Variants in PDE1C observed in about 807,000 individuals in gnomAD.
PDE1C encodes the protein phosphodiesterase 1C.
Under a neutral mutation model 93.1 loss-of-function variants are expected in PDE1C, and 62 were observed. The observed-to-expected ratio is 0.67, with a 90% CI of 0.54 to 0.82. The LOEUF (loss-of-function observed/expected upper bound fraction) is 0.82, where lower values mean the gene tolerates loss of function less well. Ranked by LOEUF, PDE1C falls within the 40% of genes least tolerant of loss-of-function variation. PDE1C has a pLI of 0.00. For missense variants in PDE1C, 742 were observed against 884.6 expected, an observed-to-expected ratio of 0.84 and a Z score of 2.04; for synonymous variants, 325 against 310.1, an observed-to-expected ratio of 1.05 and a Z score of -0.50.
chr7:31,930,008 A>G (rs1368657871), intron 2 of PDE1C, among the ~76,000 whole-genome samples: 2 of 152,200 alleles, frequency 1.3e-5, no homozygotes, highest in African/African-American at 4.8e-5. Flanking sequence ...GATTAACAAA[A>G]TAGACCACTA....
At chr7:32,047,204 T>C (rs1479775894) in intron 2 of PDE1C, among the ~76,000 whole-genome samples, 4 of 152,088 alleles carry the variant, frequency 2.6e-5, no homozygotes, top group African/African-American at 9.7e-5. Flanking sequence ...CTCAAAGGTA[T>C]AAACTTCTGC....
chr7:31,775,821 T>C (rs905700495), intron 16 of PDE1C, 89 bp from the exon 17 acceptor site: 9 of 1,128,650 alleles, frequency 8.0e-6, no homozygotes, highest in Non-Finnish European at 1.2e-5. Context: ...GTTATCAAGT[T>C]GGGGTCTGAA....
intron 15 of PDE1C, 25 bp from the exon 16 acceptor site, chr7:31,809,133 A>G: frequency 7.6e-7 from 1 of 1,307,676 alleles, no homozygotes; most frequent in Non-Finnish European, 1.1e-6. Flanking sequence ...CATGACAAAC[A>G]GTATATGTAT....
At position 32,186,135 on chromosome 7, in the gene PDE1C, G is replaced by T. The variant is rs1279317435; in HGVS notation, c.137-16179C>A. 5.9e-5 allele frequency among the ~76,000 whole-genome samples: 8 copies of T among 136,540 alleles called. No individual in the cohort carries two copies. The Admixed American group carries it at 6.7e-4, about 11-fold the overall frequency. 89.6% of individuals were successfully genotyped at this position (136,540 alleles called of 152,430 possible). On this transcript the variant is annotated intron_variant, in intron 2 of 18. Transcript: ENST00000396193. ...TTTTGAGACGGAGTCTCGCTCTGTC[G>T]CCCAGGCCCGACTGCGGACTGCAGT...
At chr7:32,394,012 A>G (rs968359148) in intron 1 of PDE1C, among the ~76,000 whole-genome samples, 1 of 152,220 alleles carries the variant, frequency 6.6e-6, no homozygotes, top group African/African-American at 2.4e-5. Context: ...AAGAAAAAAT[A>G]CAGGTTACTA....
the PDE1C span, among the ~76,000 whole-genome samples, chr7:31,684,089 A>T: frequency 1.9e-3 from 283 of 152,308 alleles, 2 homozygotes; most frequent in Middle Eastern, 0.01. Flanking sequence ...ATAGATTTAC[A>T]TTACCATCTG....
the PDE1C span, among the ~76,000 whole-genome samples, chr7:31,688,356 T>C: frequency 1.3e-5 from 2 of 152,182 alleles, no homozygotes; most frequent in African/African-American, 4.8e-5. Flanking sequence ...AATCTTAAAG[T>C]TGAGAGGAAT....
intron 3 of PDE1C, among the ~76,000 whole-genome samples, chr7:32,119,309 G>C (rs1233403534): frequency 1.3e-5 from 2 of 152,142 alleles, no homozygotes; most frequent in Admixed American, 1.3e-4. Flanking sequence ...TTACGCCAAG[G>C]TCTTAACTAC....
At chr7:31,925,056 T>C (rs1803179890) in intron 2 of PDE1C, among the ~76,000 whole-genome samples, 2 of 114,640 alleles carry the variant, frequency 1.7e-5, no homozygotes, top group Admixed American at 8.4e-5. Flanking sequence ...TGTGTGTGTG[T>C]GTGTGTGTGT....
At chr7:32,403,377 T>C (rs1418072461) in intron 1 of PDE1C, among the ~76,000 whole-genome samples, 1 of 152,212 alleles carries the variant, frequency 6.6e-6, no homozygotes, top group Admixed American at 6.5e-5. Context: ...TTTGTCCTTT[T>C]CTGAGTCCTA....
At chr7:31,782,116 T>C (rs1473577211) in intron 16 of PDE1C, among the ~76,000 whole-genome samples, 3 of 152,208 alleles carry the variant, frequency 2.0e-5, no homozygotes, top group Admixed American at 6.5e-5. Context: ...AGCGTATAAG[T>C]TAATTGCCCA....
chr7:32,424,736 T>C (rs1254917328), intron 1 of PDE1C, among the ~76,000 whole-genome samples: 1 of 152,104 alleles, frequency 6.6e-6, no homozygotes, highest in African/African-American at 2.4e-5. Flanking sequence ...CGCTTGAGCC[T>C]GGGAGGTAGA....
intron 1 of PDE1C, among the ~76,000 whole-genome samples, chr7:32,257,109 C>G (rs566388627): frequency 1.4e-4 from 22 of 152,138 alleles, no homozygotes; most frequent in Non-Finnish European, 2.5e-4. Context: ...CACAGATAAG[C>G]CTCTCAACCA....
intron 1 of PDE1C, among the ~76,000 whole-genome samples, chr7:32,240,765 G>C (rs1393837693): frequency 1.3e-5 from 2 of 152,186 alleles, no homozygotes; most frequent in Admixed American, 6.5e-5. Context: ...TGTTTTTAAA[G>C]GGTCATTCTG....
intron 8 of PDE1C, among the ~76,000 whole-genome samples, chr7:31,849,729 C>G (rs1468340528): frequency 6.6e-6 from 1 of 152,108 alleles, no homozygotes; most frequent in Admixed American, 6.6e-5. Flanking sequence ...TGACTTACCA[C>G]CTTTCCCCAT....
chr7:32,292,866 A>G (rs1383877882), intron 1 of PDE1C, among the ~76,000 whole-genome samples: 2 of 152,184 alleles, frequency 1.3e-5, no homozygotes, highest in Non-Finnish European at 2.9e-5. Context: ...GTGGAGGCTG[A>G]GTGGACACGC....
At chr7:31,652,135 A>G in the PDE1C span, 1 of 1,034,660 alleles carries the variant, frequency 9.7e-7, no homozygotes, top group South Asian at 1.4e-5. Context: ...TTGTGCAATC[A>G]TTTCAGAATC....
chr7:31,683,055 T>A, the PDE1C span, among the ~76,000 whole-genome samples: 1 of 152,204 alleles, frequency 6.6e-6, no homozygotes, highest in African/African-American at 2.4e-5. Context: ...TGGAAATGTT[T>A]AGTATCTTGA....
intron 2 of PDE1C, among the ~76,000 whole-genome samples, chr7:31,934,865 C>CA (rs1253816914): frequency 6.6e-6 from 1 of 151,970 alleles, no homozygotes; most frequent in East Asian, 1.9e-4. Context: ...TATAGTTCTA[C>CA]AAAAAAATAA....
Sources: gnomAD v4.1 joint callset for allele counts (sites outside exome capture counted in the v4.1 genomes callset) on GRCh38, gnomAD v4.1.1 for gene constraint, MANE v1.5 for transcripts, NCBI Gene and HGNC (gene_info 2026-07-23, HGNC 2026-07-21) for gene names.